Variants in BNIP1 observed in about 807,000 individuals in gnomAD.
The protein encoded by BNIP1 is BCL2 interacting protein 1, also known as vesicle transport protein SEC20.
A neutral mutation model predicts 28.5 loss-of-function variants in BNIP1; 25 were observed. That is an observed-to-expected ratio of 0.88 (90% CI 0.64 to 1.23). The LOEUF (loss-of-function observed/expected upper bound fraction) is 1.23, where lower values mean the gene tolerates loss of function less well. Ranked by LOEUF, BNIP1 falls within the 50% of genes most tolerant of loss-of-function variation. The probability of loss-of-function intolerance (pLI) is 0.00; values close to 1 mark genes in which losing one functional copy is unlikely to be tolerated. For missense variants in BNIP1, 276 were observed against 277.0 expected, an observed-to-expected ratio of 1.00 and a Z score of 0.02; for synonymous variants, 118 against 101.7, an observed-to-expected ratio of 1.16 and a Z score of -0.96.
At chr5:173,145,567 A>G (rs1225391950) in intron 1 of BNIP1, among the ~76,000 whole-genome samples, 1 of 151,954 alleles carries the variant, frequency 6.6e-6, no homozygotes, top group Non-Finnish European at 1.5e-5. Flanking sequence ...ACGCCCGGCT[A>G]ATTTTTGTGT....
intron 3 of BNIP1, among the ~76,000 whole-genome samples, chr5:173,157,399 T>C (rs1017354911): frequency 1.3e-5 from 2 of 152,118 alleles, no homozygotes; most frequent in Non-Finnish European, 2.9e-5. Flanking sequence ...TTTTATAGTC[T>C]ATCAACAACT....
chr5:173,152,817 G>C (rs890695165), intron 2 of BNIP1, among the ~76,000 whole-genome samples: 2 of 152,172 alleles, frequency 1.3e-5, no homozygotes, highest in Admixed American at 6.5e-5. Flanking sequence ...CTATTGAAAT[G>C]GTGGATACAC....
chr5:173,161,943 AAGC>A (rs1189860117), intron 5 of BNIP1: 2 of 152,222 alleles, frequency 1.3e-5, no homozygotes, highest in African/African-American at 4.8e-5. Flanking sequence ...GGCGTGGAGA[AAGC>A]AGGCGGAGAG....
intron 4 of BNIP1, 60 bp from the exon 5 acceptor site, chr5:173,159,873 C>T: frequency 7.3e-7 from 1 of 1,374,528 alleles, no homozygotes; most frequent in Non-Finnish European, 1.0e-6. Context: ...GGATGTGGGG[C>T]CTTCTTGCAG....
intron 4 of BNIP1, 70 bp from the exon 5 acceptor site, chr5:173,159,863 G>A: frequency 2.4e-6 from 3 of 1,242,476 alleles, no homozygotes; most frequent in East Asian, 2.3e-5. Context: ...GATCTCATTT[G>A]GATGTGGGGC....
At chr5:173,145,809 TC>T (rs957016546) in intron 1 of BNIP1, among the ~76,000 whole-genome samples, 3 of 152,110 alleles carry the variant, frequency 2.0e-5, no homozygotes, top group African/African-American at 4.8e-5. Flanking sequence ...AAAATAGGGC[TC>T]CCCAGATAAA....
intron 3 of BNIP1, among the ~76,000 whole-genome samples, chr5:173,155,626 A>G (rs1265875771): frequency 6.6e-6 from 1 of 152,120 alleles, no homozygotes; most frequent in Non-Finnish European, 1.5e-5. Flanking sequence ...TGAGCCCGGG[A>G]GGCAGAGGTT....
intron 2 of BNIP1, chr5:173,151,508 A>C (rs527820086): frequency 1.3e-6 from 2 of 1,545,742 alleles, no homozygotes; most frequent in South Asian, 2.4e-5. Flanking sequence ...GGCAGGAGCC[A>C]CCACACCTGG....
chr5:173,154,890 G>A (rs1338550038), intron 3 of BNIP1, among the ~76,000 whole-genome samples: 1 of 152,128 alleles, frequency 6.6e-6, no homozygotes, highest in African/African-American at 2.4e-5. Context: ...GGGCGAGTGG[G>A]GAAGGGATAA....
chr5:173,156,016 C>A (rs755888649), intron 3 of BNIP1, among the ~76,000 whole-genome samples: 4 of 152,212 alleles, frequency 2.6e-5, no homozygotes, highest in Non-Finnish European at 4.4e-5. Flanking sequence ...CCAGCATCAT[C>A]TTCCCTGCAA....
At chr5:173,152,956 CA>C (rs1198200227) in intron 2 of BNIP1, among the ~76,000 whole-genome samples, 1 of 151,916 alleles carries the variant, frequency 6.6e-6, no homozygotes, top group Non-Finnish European at 1.5e-5. Context: ...ATTTGTAAAC[CA>C]AAAAATGTGA....
intron 3 of BNIP1, 25 bp downstream of exon 3, chr5:173,154,438 C>T (rs752724925): frequency 1.6e-5 from 26 of 1,587,194 alleles, no homozygotes; most frequent in African/African-American, 9.5e-5. Context: ...CCCCCGCCAG[C>T]GGCTTCTGCT....
chr5:173,163,568 T>G (rs1436812110), intron 5 of BNIP1, among the ~76,000 whole-genome samples, 157 bp from the exon 6 acceptor site: 1 of 152,178 alleles, frequency 6.6e-6, no homozygotes, highest in Non-Finnish European at 1.5e-5. Context: ...GAGCCTTTCC[T>G]TGTCAGCTCC....
intron 1 of BNIP1, among the ~76,000 whole-genome samples, chr5:173,145,818 A>C (rs1271757650): frequency 2.0e-5 from 3 of 152,262 alleles, no homozygotes; most frequent in African/African-American, 7.2e-5. Context: ...CTCCCCAGAT[A>C]AACCAGATGC....
At chr5:173,148,418 A>G (rs1759928215) in intron 2 of BNIP1, among the ~76,000 whole-genome samples, 1 of 152,040 alleles carries the variant, frequency 6.6e-6, no homozygotes, top group Non-Finnish European at 1.5e-5. Flanking sequence ...CAAGGCTGCC[A>G]TCTGGGCATC....
chr5:173,153,083 C>T (rs1760067445), intron 2 of BNIP1, among the ~76,000 whole-genome samples: 1 of 151,458 alleles, frequency 6.6e-6, no homozygotes, highest in Non-Finnish European at 1.5e-5. Flanking sequence ...GGGTTATTTC[C>T]TTGGTGTTAG....
At chr5:173,161,456 T>A (rs969728656) in intron 5 of BNIP1, 2 of 152,298 alleles carry the variant, frequency 1.3e-5, no homozygotes, top group African/African-American at 4.8e-5. Context: ...AGCCCAGGGC[T>A]TTTATGCTCT....
chr5:173,147,797 A>C (rs1759883548), intron 2 of BNIP1, among the ~76,000 whole-genome samples: 1 of 151,862 alleles, frequency 6.6e-6, no homozygotes, highest in Non-Finnish European at 1.5e-5. Context: ...AGAGTTGTGC[A>C]CCACTGTATA....
intron 2 of BNIP1, among the ~76,000 whole-genome samples, chr5:173,147,384 G>A (rs1004727767): frequency 6.6e-6 from 1 of 151,698 alleles, no homozygotes; most frequent in Non-Finnish European, 1.5e-5. Flanking sequence ...CAGCCTGGGC[G>A]ACAGAGCGAG....
Sources: gnomAD v4.1 joint callset for allele counts (sites outside exome capture counted in the v4.1 genomes callset) on GRCh38, gnomAD v4.1.1 for gene constraint, MANE v1.5 for transcripts, NCBI Gene and HGNC (gene_info 2026-07-23, HGNC 2026-07-21) for gene names.